Variants in CNTN5 observed in about 807,000 individuals in gnomAD.
CNTN5 encodes contactin-5.
Under a neutral mutation model 129.1 loss-of-function variants are expected in CNTN5, and 77 were observed. The observed-to-expected ratio is 0.60, with a 90% confidence interval of 0.50 to 0.72. The LOEUF (loss-of-function observed/expected upper bound fraction) is 0.72. Ranked by LOEUF, CNTN5 falls within the 30% of genes least tolerant of loss-of-function variation. The pLI is 0.00. For synonymous variants in CNTN5, 509 were observed against 465.6 expected (o/e 1.09, Z -1.20); for missense variants, 1,478 against 1,328.8 (o/e 1.11, Z -1.75).
chr11:99,695,724 A>C (rs1441538709), intron 3 of CNTN5, among the ~76,000 whole-genome samples: 1 of 151,956 alleles, frequency 6.6e-6, no homozygotes, highest in African/African-American at 2.4e-5. Context: ...AAAATAAATA[A>C]ACAAATAAAT....
At chr11:99,966,426 C>T (rs1445850413) in intron 8 of CNTN5, among the ~76,000 whole-genome samples, 1 of 152,098 alleles carries the variant, frequency 6.6e-6, no homozygotes, top group Non-Finnish European at 1.5e-5. Flanking sequence ...CAGAGATGAC[C>T]GCTTCTACAG....
chr11:99,833,122 C>A (rs760946225), intron 4 of CNTN5, among the ~76,000 whole-genome samples: 2 of 152,138 alleles, frequency 1.3e-5, no homozygotes, highest in Non-Finnish European at 2.9e-5. Context: ...TTTCTGAGAA[C>A]CTGGCTGCAG....
intron 3 of CNTN5, among the ~76,000 whole-genome samples, chr11:99,729,940 G>A (rs1372689620): frequency 2.0e-5 from 3 of 152,128 alleles, no homozygotes; most frequent in Admixed American, 2.0e-4. Context: ...GGAAAAATAG[G>A]TAATTCATGC....
At chr11:99,272,118 TCACAAGAAAA>T (rs1863201674) in intron 1 of CNTN5, among the ~76,000 whole-genome samples, 1 of 151,850 alleles carries the variant, frequency 6.6e-6, no homozygotes, top group African/African-American at 2.4e-5. Flanking sequence ...GTCGATTTGT[TCACAAGAAAA>T]CTGAGCACAG....
intron 9 of CNTN5, among the ~76,000 whole-genome samples, chr11:100,012,547 A>C (rs985566825): frequency 6.6e-6 from 1 of 152,196 alleles, no homozygotes; most frequent in Non-Finnish European, 1.5e-5. Flanking sequence ...AACTGGCATC[A>C]TATTTCCAGC....
intron 3 of CNTN5, among the ~76,000 whole-genome samples, chr11:99,809,248 G>A (rs142801312): frequency 3.3e-5 from 5 of 151,998 alleles, no homozygotes; most frequent in East Asian, 1.9e-4. Flanking sequence ...AAGCCTTTTC[G>A]CTAAAACAAA....
At chr11:99,324,666 G>T (rs1865707179) in intron 1 of CNTN5, among the ~76,000 whole-genome samples, 1 of 152,004 alleles carries the variant, frequency 6.6e-6, no homozygotes, top group Non-Finnish European at 1.5e-5. Flanking sequence ...GAATAGAGGT[G>T]GCCCCATTCA....
rs1249227434 is a variant in CNTN5, at chr11:100,356,380, T to C, written c.*160T>C. On this transcript the variant is annotated 3_prime_UTR_variant, in exon 25 of 25. Coordinates refer to ENST00000524871, the MANE Select transcript of CNTN5 (RefSeq NM_014361.4). Reference sequence around the variant, plus strand: ...CAGGAGGTTAGGGGGGAAATATTACTTATCCATCAGGTTTCTCTTTGGTTT... The same window carrying C: ...CAGGAGGTTAGGGGGGAAATATTACCTATCCATCAGGTTTCTCTTTGGTTT... 1.5e-5 allele frequency: 9 copies of C among 607,860 alleles called. No homozygotes were observed. The allele number at this position is 607,860 out of a possible 1,614,324, so 37.7% of individuals were successfully genotyped here. A position where few individuals can be genotyped will look rare whatever the true frequency, so the allele number is the denominator to read the frequency against.
intron 8 of CNTN5, among the ~76,000 whole-genome samples, chr11:99,965,354 T>TG (rs35234616): frequency 0.075 from 11,375 of 151,964 alleles, 777 homozygotes; most frequent in African/African-American, 0.17. Flanking sequence ...GATTCTGGTA[T>TG]TTGTGTCTTT....
chr11:99,127,940 G>T (rs1435356592), intron 1 of CNTN5, among the ~76,000 whole-genome samples: 1 of 152,060 alleles, frequency 6.6e-6, no homozygotes, highest in Non-Finnish European at 1.5e-5. Context: ...TCTCTACTGG[G>T]CTTAGAAGGT....
At chr11:99,624,347 A>T (rs1951056620) in intron 3 of CNTN5, among the ~76,000 whole-genome samples, 1 of 152,086 alleles carries the variant, frequency 6.6e-6, no homozygotes, top group East Asian at 1.9e-4. Context: ...TGCCTTAAGT[A>T]GTCTCACTGT....
At chr11:100,309,802 C>G (rs777627365) in intron 21 of CNTN5, 8 of 548,612 alleles carry the variant, frequency 1.5e-5, no homozygotes, top group African/African-American at 4.1e-5. Flanking sequence ...CACGTGCCTC[C>G]TCCAACTGCT....
At chr11:99,778,041 A>T (rs1359503232) in intron 3 of CNTN5, among the ~76,000 whole-genome samples, 1 of 151,904 alleles carries the variant, frequency 6.6e-6, no homozygotes, top group African/African-American at 2.4e-5. Flanking sequence ...ATAACCATAT[A>T]TGACTCCATT....
intron 1 of CNTN5, among the ~76,000 whole-genome samples, chr11:99,226,811 A>G (rs1207506441): frequency 6.6e-6 from 1 of 152,122 alleles, no homozygotes; most frequent in Non-Finnish European, 1.5e-5. Flanking sequence ...TTTTTGTTGA[A>G]TTCAATTAAA....
At chr11:99,686,586 G>A (rs1026233147) in intron 3 of CNTN5, among the ~76,000 whole-genome samples, 6 of 151,792 alleles carry the variant, frequency 4.0e-5, no homozygotes, top group African/African-American at 1.2e-4. Context: ...TTTTTTTTCC[G>A]GAACTTTTAT....
chr11:99,351,022 G>A (rs1437986614), intron 2 of CNTN5, among the ~76,000 whole-genome samples: 1 of 152,050 alleles, frequency 6.6e-6, no homozygotes. Flanking sequence ...GCCTGTGGGG[G>A]TGGGGGCCTA....
intron 2 of CNTN5, among the ~76,000 whole-genome samples, chr11:99,409,246 C>T: frequency 6.6e-6 from 1 of 152,142 alleles, no homozygotes; most frequent in East Asian, 1.9e-4. Context: ...GGGTGGATCA[C>T]GAGGTCAGGA....
intron 3 of CNTN5, among the ~76,000 whole-genome samples, chr11:99,803,439 A>G (rs1946174492): frequency 1.3e-5 from 2 of 152,186 alleles, no homozygotes; most frequent in African/African-American, 4.8e-5. Flanking sequence ...AGGTGACCCA[A>G]GCTCTGGCCC....
At chr11:99,476,232 G>A (rs77703197) in intron 2 of CNTN5, among the ~76,000 whole-genome samples, 6,117 of 151,838 alleles carry the variant, frequency 0.04, 169 homozygotes, top group South Asian at 0.083. Context: ...ATTATCACTT[G>A]AGGCTAAAAA....
Sources: gnomAD v4.1 joint callset for allele counts (sites outside exome capture counted in the v4.1 genomes callset) on GRCh38, gnomAD v4.1.1 for gene constraint, MANE v1.5 for transcripts, NCBI Gene and HGNC (gene_info 2026-07-23, HGNC 2026-07-21) for gene names.